RNF213: variants seen among roughly 807,000 people sequenced by gnomAD.
The protein encoded by RNF213 is E3 ubiquitin-protein ligase RNF213.
RNF213 carries 341 observed loss-of-function variants against 514.4 expected under a neutral mutation model. The observed-to-expected ratio is 0.66, with a 90% CI of 0.61 to 0.73. The LOEUF (loss-of-function observed/expected upper bound fraction) is 0.73. Among genes scored for constraint, RNF213 ranks in the 30% least tolerant of loss-of-function variants. RNF213 has a pLI of 0.00. For missense variants in RNF213, 5,767 were observed against 6,615.6 expected (o/e 0.87, Z 4.45); for synonymous variants, 2,655 against 2,658.2 (o/e 1.00, Z 0.04).
chr17:80,349,682 AG>A (rs2078434441), intron 29 of RNF213, 87 bp from the exon 30 acceptor site: 1 of 1,415,202 alleles, frequency 7.1e-7, no homozygotes. Context: ...TGAACATCGC[AG>A]GTTTCTAGGA....
At chr17:80,368,272 A>G (rs1056550383) in intron 44 of RNF213, 129 bp downstream of exon 44, 4 of 956,378 alleles carry the variant, frequency 4.2e-6, no homozygotes, top group Admixed American at 1.8e-5. Context: ...GAACTATCAT[A>G]AGAGACGCCA....
In RNF213 at chr17:80,363,695, G is replaced by A. The variant is rs1338965905; in HGVS notation, c.11655G>A (p.Leu3885=). The A allele has an allele frequency of 5.0e-6, 8 of 1,614,042 alleles. No individual in the cohort carries two copies. Among genetic ancestry groups the A allele is most frequent in the Non-Finnish European group, 6.8e-6 (8 of 1,179,990 alleles). The change falls in exon 41 of 68, where the codon TTG becomes TTA. Residue 3885 remains leucine, a synonymous_variant. Coordinates refer to ENST00000582970, the MANE Select transcript of RNF213 (RefSeq NM_001256071.3). The part of the protein sequence containing the change: ...LKPSPQAWLQ[L]VKNLSMPLEL... ...CCAGTCCCCAGGCGTGGCTACAGTT[G>A]GTGAAGAATCTTTCCATGCCGCTGG...
intron 16 of RNF213, among the ~76,000 whole-genome samples, chr17:80,318,759 G>A (rs1157186278): frequency 6.6e-6 from 1 of 152,054 alleles, no homozygotes; most frequent in East Asian, 1.9e-4. Flanking sequence ...ATTTTTTGTA[G>A]AGACGGGGTT....
At position 80,396,745 on chromosome 17, in the gene RNF213, C is replaced by CCG. The variant is rs1555683535; in HGVS notation, c.*3248_*3249insGC. On this transcript the variant is annotated 3_prime_UTR_variant, in exon 68 of 68. Transcript: ENST00000582970. ...TGCATTTCCCCCCCACCCCCCCCCC[C>CCG]CAACCAGAGCAACTTTGGTCAGAAG... The CCG allele has an allele frequency of 1.3e-4, 14 of 105,116 alleles. 3 individuals are homozygous for CCG. Among genetic ancestry groups the CCG allele is most frequent in the South Asian group, 3.6e-4 (1 of 2,762 alleles). The allele number at this position is 105,116 out of a possible 1,614,324, so 6.5% of individuals were successfully genotyped here.
At chr17:80,308,305 A>T (rs908258133) in intron 13 of RNF213, among the ~76,000 whole-genome samples, 14 of 151,816 alleles carry the variant, frequency 9.2e-5, no homozygotes, top group Admixed American at 9.2e-4. Flanking sequence ...ACTGTGTGTC[A>T]CATTCTCAGC....
In RNF213 at chr17:80,368,013, T is replaced by C. The variant is rs2079349106; in HGVS notation, c.12025T>C (p.Cys4009Arg). 2 of 1,614,166 alleles carry C rather than the reference T, an allele frequency of 1.2e-6. No homozygotes were observed. The highest frequency in any genetic ancestry group is 1.7e-5 in the Admixed American group (1 of 60,014). Residue 4009 changes from cysteine to arginine, a missense_variant, in exon 44 of 68, where the codon TGT (cysteine) becomes CGT (arginine). By Grantham distance (180) the Cys-to-Arg change is radical. Transcript: ENST00000582970. The stretch of plus-strand genomic sequence containing the variant: ...CCTGGGAGATGCAAAGGACCCCGTC[T>C]GTCTGCCCTGCGACCACGTGCACTG... ...ICLGDAKDPV[C>R]LPCDHVHCLR... is the part of the protein sequence containing the mutation.
At chr17:80,280,152 C>T (rs2044208424) in intron 3 of RNF213, among the ~76,000 whole-genome samples, 2 of 152,202 alleles carry the variant, frequency 1.3e-5, no homozygotes, top group South Asian at 2.1e-4. Context: ...ATGCAGGCAG[C>T]GTCCACACGG....
chr17:80,338,031 G>T (rs774463073), intron 25 of RNF213, 34 bp downstream of exon 25: 230 of 1,536,934 alleles, frequency 1.5e-4, no homozygotes, highest in Non-Finnish European at 1.9e-4. Flanking sequence ...CGCTAAGCTG[G>T]TGGTGTCATC....
At chr17:80,309,230 C>T in intron 14 of RNF213, 59 bp downstream of exon 14, 2 of 1,601,784 alleles carry the variant, frequency 1.2e-6, no homozygotes, top group East Asian at 2.2e-5. Context: ...TTTCAAGCAG[C>T]CTCAATTTGG....
In RNF213 at chr17:80,290,609, C is replaced by T. The variant is rs147359815; in HGVS notation, c.1152C>T (p.His384=). 199 of 1,614,036 alleles carry T rather than the reference C, an allele frequency of 1.2e-4. No homozygotes were observed. Among genetic ancestry groups the T allele is most frequent in the Non-Finnish European group, 1.6e-4 (187 of 1,180,048 alleles). ...SPGGGVTVFF[H]AIISLHFPFN... is the part of the protein sequence containing the mutation. ...GTGGAGGAGTCACCGTGTTCTTCCA[C>T]GCCATCATCTCTCTTCATTTCCCAT... The change falls in exon 7 of 68, where the codon CAC becomes CAT. Residue 384 remains histidine (H), a synonymous_variant. Coordinates refer to ENST00000582970, the MANE Select transcript of RNF213 (RefSeq NM_001256071.3).
At position 80,287,795 on chromosome 17, in the gene RNF213, GT is replaced by G. The variant is rs1568013679; in HGVS notation, c.262-19del. The G allele has an allele frequency of 6.2e-7, 1 of 1,611,990 alleles. No individual in the cohort carries two copies. The highest frequency in any genetic ancestry group is 1.3e-5 in the African/African-American group (1 of 75,004). On this transcript the variant is annotated intron_variant, in intron 3 of 67. Transcript: ENST00000582970. Reference sequence around the variant, plus strand: ...AGAGTAAATCTAAGAAATAAAGTGAGTGTCTCTCTTTCTGTTTAGAGCAAAA... The same window carrying G: ...AGAGTAAATCTAAGAAATAAAGTGAGGTCTCTCTTTCTGTTTAGAGCAAAA...
intron 60 of RNF213, 93 bp downstream of exon 60, chr17:80,385,264 G>A (rs2080186873): frequency 1.0e-5 from 15 of 1,502,132 alleles, no homozygotes; most frequent in Non-Finnish European, 1.4e-5. Flanking sequence ...CGGAGGGGAG[G>A]AGGCGCTGAT....
rs1459243938 is a variant in RNF213 at position 80,337,631 on chromosome 17, A to C, written c.4573A>C (p.Ser1525Arg). ...NLEWLKTVNE[S>R]HGSVERSSLT... ...GGAATGGCTGAAGACTGTGAATGAG[A>C]GTCATGGGTCTGTGGAACGCTCATC... Residue 1525 changes from serine (S) to arginine (R), a missense_variant, in exon 24 of 68, where the codon AGT (serine) becomes CGT (arginine). Transcript: ENST00000582970. 6.5e-7 allele frequency: 1 copy of C among 1,537,248 alleles called. No individual in the cohort carries two copies. Among genetic ancestry groups the C allele is most frequent in the Non-Finnish European group, 8.7e-7 (1 of 1,146,918 alleles).
At position 80,347,078 on chromosome 17, in the gene RNF213, A is replaced by G. The variant is rs2078337263; in HGVS notation, c.8743A>G (p.Lys2915Glu). The G allele has an allele frequency of 6.2e-7, 1 of 1,614,042 alleles. No individual in the cohort carries two copies. The highest frequency in any genetic ancestry group is 8.5e-7 in the Non-Finnish European group (1 of 1,180,002). The change falls in exon 29 of 68, where the codon AAG (lysine) becomes GAG (glutamate). Residue 2915 changes from lysine to glutamate, a missense_variant. By Grantham distance (56) the Lys-to-Glu change is moderately conservative. Transcript: ENST00000582970. The surrounding 1 kb of genome is among the most constrained non-coding windows in gnomAD (Gnocchi z 7.2). ...CGAGACAGAGCTCATAGAGAGCGCC[A>G]AGGGCATCTGCTCCTCAGACATCCT... ...PNETELIESA[K>E]GICSSDILVQ...
chr17:80,263,434 A>T lies in RNF213; in HGVS notation c.-108-140A>T. ...GGGATGGTTCTAGGCTGGCTGAATG[A>T]GGGACCAGGGCAGAGACTGCAAAAG... is the stretch of plus-strand genomic sequence containing the variant. On this transcript the variant is annotated intron_variant, in intron 1 of 67. Transcript: ENST00000582970. This position sits in a 1 kb window ranked among gnomAD's most constrained non-coding sequence, Gnocchi z 4.9. 2.5e-6 allele frequency: 1 copy of T among 407,104 alleles called. No homozygotes were observed. The allele number at this position is 407,104 out of a possible 1,614,324, so 25.2% of individuals were successfully genotyped here.
In RNF213 at chr17:80,264,009, AC is replaced by A. The variant is rs1185307897; in HGVS notation, c.97+234del. Among the ~76,000 whole-genome samples, 2 of 152,152 alleles carry A rather than the reference AC, an allele frequency of 1.3e-5. No homozygotes were observed. The highest frequency in any genetic ancestry group is 2.9e-5 in the Non-Finnish European group (2 of 68,010). On this transcript the variant is annotated intron_variant, in intron 2 of 67. Transcript: ENST00000582970. The surrounding 1 kb of genome is among the most constrained non-coding windows in gnomAD (Gnocchi z 5.0). ...ACACAGGTCAAGCCAGGGGACCACCACCCAGTGCTTCCGTCCCTCGTTCAGG... is the reference window on the plus strand; with the variant it reads ...ACACAGGTCAAGCCAGGGGACCACCACCAGTGCTTCCGTCCCTCGTTCAGG...
Position 80,384,430 on chromosome 17 carries a change from C to T in RNF213, c.14322+502C>T, listed in dbSNP as rs185001808. Among the ~76,000 whole-genome samples, 42 of 151,368 alleles carry T rather than the reference C, an allele frequency of 2.8e-4. No individual in the cohort carries two copies. In the East Asian group the frequency reaches 7.1e-3, roughly 26 times the overall value. ...CTGTTGGAATTGGAAATATACTTTC[C>T]TAACTTTCACCCATTTGCACTTTCA... On this transcript the variant is annotated intron_variant, in intron 59 of 67. Transcript: ENST00000582970.
At position 80,263,438 on chromosome 17, in the gene RNF213, A is replaced by G; in HGVS notation, c.-108-136A>G. 2.5e-6 allele frequency: 1 copy of G among 396,410 alleles called. No homozygotes were observed. The highest frequency in any genetic ancestry group is 7.1e-4 in the Middle Eastern group (1 of 1,402). The allele number at this position is 396,410 out of a possible 1,614,324, so 24.6% of individuals were successfully genotyped here. A position where few individuals can be genotyped will look rare whatever the true frequency, so the allele number is the denominator to read the frequency against. The stretch of plus-strand genomic sequence containing the variant: ...TGGTTCTAGGCTGGCTGAATGAGGG[A>G]CCAGGGCAGAGACTGCAAAAGCTTG... On this transcript the variant is annotated intron_variant, in intron 1 of 67. Coordinates refer to ENST00000582970, the MANE Select transcript of RNF213 (RefSeq NM_001256071.3). The surrounding 1 kb of genome is among the most constrained non-coding windows in gnomAD (Gnocchi z 4.9).
chr17:80,310,837 C>T (rs1037507389), intron 14 of RNF213, among the ~76,000 whole-genome samples: 6 of 152,242 alleles, frequency 3.9e-5, no homozygotes, highest in Admixed American at 2.6e-4. Context: ...CAGGCATGAG[C>T]TACTGCACCC....
Sources: gnomAD v4.1 joint callset for allele counts (sites outside exome capture counted in the v4.1 genomes callset) on GRCh38, gnomAD v4.1.1 for gene constraint, Gnocchi (gnomAD v3.1) non-coding constraint, MANE v1.5 for transcripts, NCBI Gene and HGNC (gene_info 2026-07-23, HGNC 2026-07-21) for gene names.